Variants in CSRNP3 observed in about 807,000 individuals in gnomAD.
CSRNP3 encodes cysteine and serine rich nuclear protein 3, also known as cysteine/serine-rich nuclear protein 3.
In CSRNP3, 12 loss-of-function variants were observed where a neutral mutation model predicts 48.0. That is an observed-to-expected ratio of 0.25 (90% CI 0.16 to 0.41). The LOEUF is 0.41. CSRNP3 is among the 10% of genes least tolerant of loss of function. The pLI is 1.00. For missense variants in CSRNP3, 580 were observed against 724.4 expected (o/e 0.80, Z 2.29); for synonymous variants, 263 against 269.7 (o/e 0.98, Z 0.24).
intron 5 of CSRNP3, among the ~76,000 whole-genome samples, chr2:165,663,127 T>C (rs1225025341): frequency 1.3e-5 from 2 of 152,188 alleles, no homozygotes; most frequent in Non-Finnish European, 2.9e-5. Context: ...CTCAAAAGTC[T>C]TTTGATTTAT....
intron 2 of CSRNP3, among the ~76,000 whole-genome samples, chr2:165,505,354 T>G (rs1684412200): frequency 6.6e-6 from 1 of 152,126 alleles, no homozygotes; most frequent in South Asian, 2.1e-4. Context: ...ACATTAGGTT[T>G]CAGGAGGCAA....
chr2:165,673,970 G>A (rs1573961884), intron 5 of CSRNP3, among the ~76,000 whole-genome samples: 1 of 152,040 alleles, frequency 6.6e-6, no homozygotes, highest in Non-Finnish European at 1.5e-5. Flanking sequence ...GCAGCTAGCC[G>A]AGATTGTGCC....
At chr2:165,503,168 G>A (rs1162388558) in intron 2 of CSRNP3, among the ~76,000 whole-genome samples, 2 of 151,744 alleles carry the variant, frequency 1.3e-5, no homozygotes, top group Non-Finnish European at 2.9e-5. Context: ...AACTTCTACT[G>A]CCCAGATCAA....
intron 1 of CSRNP3, among the ~76,000 whole-genome samples, chr2:165,474,793 A>G (rs1683939441): frequency 6.6e-6 from 1 of 152,182 alleles, no homozygotes; most frequent in African/African-American, 2.4e-5. Flanking sequence ...GCATAACAAC[A>G]CAGGGATTTT....
At chr2:165,555,313 A>C (rs1364751124) in intron 3 of CSRNP3, among the ~76,000 whole-genome samples, 1 of 152,156 alleles carries the variant, frequency 6.6e-6, no homozygotes, top group Non-Finnish European at 1.5e-5. Flanking sequence ...GTGTGCCTAG[A>C]ATAATACCTG....
chr2:165,580,413 CCCTG>C (rs1685524639), intron 3 of CSRNP3, among the ~76,000 whole-genome samples: 1 of 152,130 alleles, frequency 6.6e-6, no homozygotes. Flanking sequence ...TGTTGCCTGT[CCCTG>C]CCTTAAATAG....
chr2:165,640,075 T>C (rs964155466), intron 4 of CSRNP3, among the ~76,000 whole-genome samples: 1 of 152,224 alleles, frequency 6.6e-6, no homozygotes, highest in African/African-American at 2.4e-5. Context: ...AATGAATAGT[T>C]CATACATATT....
At chr2:165,513,090 G>A (rs1684529624) in intron 2 of CSRNP3, among the ~76,000 whole-genome samples, 1 of 152,098 alleles carries the variant, frequency 6.6e-6, no homozygotes, top group Middle Eastern at 3.2e-3. Context: ...GAGTGACAGA[G>A]CAAGACTCTG....
chr2:165,535,730 G>A (rs1281692230), intron 3 of CSRNP3, among the ~76,000 whole-genome samples: 1 of 151,796 alleles, frequency 6.6e-6, no homozygotes, highest in Non-Finnish European at 1.5e-5. Context: ...TCTGGAAAAT[G>A]AGATCATGGC....
intron 2 of CSRNP3, among the ~76,000 whole-genome samples, chr2:165,502,951 ATG>A (rs1684377391): frequency 6.6e-6 from 1 of 151,594 alleles, no homozygotes; most frequent in Non-Finnish European, 1.5e-5. Flanking sequence ...GTGTGTGTGT[ATG>A]TGTGTGAATT....
At chr2:165,474,795 A>G (rs751695112) in intron 1 of CSRNP3, among the ~76,000 whole-genome samples, 34 of 152,170 alleles carry the variant, frequency 2.2e-4, no homozygotes, top group Non-Finnish European at 4.3e-4. Flanking sequence ...ATAACAACAC[A>G]GGGATTTTAG....
intron 2 of CSRNP3, among the ~76,000 whole-genome samples, chr2:165,513,613 C>G (rs935029086): frequency 1.3e-5 from 2 of 152,198 alleles, no homozygotes; most frequent in Admixed American, 6.5e-5. Flanking sequence ...ATAGTTTAGT[C>G]AATGCTATCA....
At chr2:165,666,100 A>C (rs1687190420) in intron 5 of CSRNP3, among the ~76,000 whole-genome samples, 1 of 140,198 alleles carries the variant, frequency 7.1e-6, no homozygotes, top group Non-Finnish European at 1.6e-5. Context: ...AAGGAGAGAG[A>C]GGAAGAAAGA....
In CSRNP3 at chr2:165,492,706, A is replaced by G. The variant is rs1427853261; in HGVS notation, c.-282-2053A>G. Among the ~76,000 whole-genome samples, 5 of 142,858 alleles carry G rather than the reference A, an allele frequency of 3.5e-5. No homozygotes were observed. The East Asian group carries it at 1.0e-3, about 29-fold the overall frequency. 93.7% of individuals were successfully genotyped at this position (142,858 alleles called of 152,430 possible). A position where few individuals can be genotyped will look rare whatever the true frequency, so the allele number is the denominator to read the frequency against. On this transcript the variant is annotated intron_variant, in intron 1 of 6. Coordinates refer to ENST00000651982, the MANE Select transcript of CSRNP3 (RefSeq NM_001172173.2). ...ACTCCTTTCCCTAATAACACCCAGT[A>G]AGTAAGCACTATTAGAGTAAAAAAA... is the stretch of plus-strand genomic sequence containing the variant.
chr2:165,528,963 C>A (rs1024293817), intron 3 of CSRNP3, among the ~76,000 whole-genome samples: 2 of 152,160 alleles, frequency 1.3e-5, no homozygotes, highest in African/African-American at 4.8e-5. Flanking sequence ...CCCTGTGATC[C>A]TGGGGCCAGA....
chr2:165,648,982 G>A (rs1483461528), intron 4 of CSRNP3, among the ~76,000 whole-genome samples: 1 of 152,196 alleles, frequency 6.6e-6, no homozygotes, highest in Admixed American at 6.5e-5. Context: ...CCTGTCAAGA[G>A]AGACTGGGAG....
chr2:165,655,971 G>A (rs1045530047), intron 4 of CSRNP3, among the ~76,000 whole-genome samples: 3 of 152,130 alleles, frequency 2.0e-5, no homozygotes, highest in Admixed American at 6.5e-5. Context: ...CGAGGTACTC[G>A]GGATTAGGAC....
At chr2:165,659,126 T>A (rs1036381618) in intron 5 of CSRNP3, among the ~76,000 whole-genome samples, 3 of 152,170 alleles carry the variant, frequency 2.0e-5, no homozygotes, top group African/African-American at 7.2e-5. Context: ...ATGATCCAGC[T>A]CACGAAATGG....
intron 3 of CSRNP3, among the ~76,000 whole-genome samples, chr2:165,570,224 C>T (rs958498221): frequency 2.0e-5 from 3 of 151,940 alleles, no homozygotes; most frequent in Non-Finnish European, 2.9e-5. Flanking sequence ...ATTACCATCC[C>T]GTGATTCATT....
Sources: allele counts gnomAD v4.1 joint callset (sites outside exome capture counted in the v4.1 genomes callset), GRCh38; gene constraint gnomAD v4.1.1; transcripts MANE v1.5; gene names NCBI Gene and HGNC (gene_info 2026-07-23, HGNC 2026-07-21).